ANKRD18A: variants seen among roughly 807,000 people sequenced by gnomAD.
The protein encoded by ANKRD18A is ankyrin repeat domain 18A, also known as ankyrin repeat domain-containing protein 18A.
In ANKRD18A, 72 loss-of-function variants were observed where a neutral mutation model predicts 110.6. The ratio of observed to expected loss-of-function variants is 0.65; its 90% CI spans 0.54 to 0.79. The LOEUF (loss-of-function observed/expected upper bound fraction) is 0.79, where lower values mean the gene tolerates loss of function less well. Ranked by LOEUF, ANKRD18A falls within the 30% of genes least tolerant of loss-of-function variation. The pLI is 0.00. For synonymous variants in ANKRD18A, 305 were observed against 410.3 expected, an observed-to-expected ratio of 0.74 and a Z score of 3.10; for missense variants, 934 against 1,163.3, an observed-to-expected ratio of 0.80 and a Z score of 2.87.
intron 10 of ANKRD18A, among the ~76,000 whole-genome samples, chr9:38,593,201 C>T (rs887901059): frequency 5.3e-5 from 8 of 152,116 alleles, no homozygotes; most frequent in African/African-American, 1.4e-4. Flanking sequence ...AGTATTTCTA[C>T]GCCATTACAG....
At chr9:38,569,345 C>T (rs1823556146), downstream of ANKRD18A, 2 of 984,966 alleles carry the variant, frequency 2.0e-6, no homozygotes, top group Admixed American at 6.1e-5. Context: ...AAACCACCCA[C>T]CCGATAGCGA....
chr9:38,599,297 G>T (rs1318386607), intron 8 of ANKRD18A, among the ~76,000 whole-genome samples: 2 of 152,106 alleles, frequency 1.3e-5, no homozygotes, highest in African/African-American at 4.8e-5. Flanking sequence ...AGACACTCCA[G>T]GTGCGTCTGC....
At chr9:38,584,433 G>A (rs992269915) in intron 12 of ANKRD18A, among the ~76,000 whole-genome samples, 9 of 152,128 alleles carry the variant, frequency 5.9e-5, no homozygotes, top group Admixed American at 4.6e-4. Flanking sequence ...AAATGATGTG[G>A]GGTTTGTTTT....
chr9:38,606,815 A>AAATTGC (rs1818798333), intron 6 of ANKRD18A, among the ~76,000 whole-genome samples: 1 of 152,176 alleles, frequency 6.6e-6, no homozygotes, highest in African/African-American at 2.4e-5. Context: ...ATTATGGAGG[A>AAATTGC]AATTGCAACA....
At chr9:38,576,163 A>G (rs780555138) in intron 14 of ANKRD18A, among the ~76,000 whole-genome samples, 15 of 152,016 alleles carry the variant, frequency 9.9e-5, no homozygotes, top group Non-Finnish European at 1.5e-4. Context: ...GTAGATTAAG[A>G]AAACTAAAAT....
intron 1 of ANKRD18A, 148 bp downstream of exon 1, chr9:38,619,932 C>T: frequency 1.9e-6 from 2 of 1,036,566 alleles, no homozygotes; most frequent in Non-Finnish European, 2.8e-6. Context: ...GGGGAATTGC[C>T]AGCGACGGAA....
At chr9:38,584,232 C>T (rs1824280080) in intron 12 of ANKRD18A, among the ~76,000 whole-genome samples, 1 of 152,184 alleles carries the variant, frequency 6.6e-6, no homozygotes. Flanking sequence ...TTTGGCTGAA[C>T]TAAGGAGCGA....
chr9:38,582,790 C>G (rs998259574), intron 12 of ANKRD18A, among the ~76,000 whole-genome samples: 1 of 152,342 alleles, frequency 6.6e-6, no homozygotes, highest in African/African-American at 2.4e-5. Context: ...GTTTTCTTAG[C>G]TATGACTCCA....
intron 5 of ANKRD18A, among the ~76,000 whole-genome samples, chr9:38,608,412 T>C (rs958971076): frequency 5.3e-5 from 8 of 151,862 alleles, no homozygotes; most frequent in Admixed American, 5.2e-4. Flanking sequence ...TTCCAAGTCA[T>C]GTACTAACAA....
At chr9:38,609,208 G>A (rs1825489482) in intron 5 of ANKRD18A, among the ~76,000 whole-genome samples, 1 of 152,012 alleles carries the variant, frequency 6.6e-6, no homozygotes, top group South Asian at 2.1e-4. Flanking sequence ...GGCCGGGCGC[G>A]GTGGCTCACG....
At chr9:38,589,431 T>C (rs1285132236) in intron 10 of ANKRD18A, among the ~76,000 whole-genome samples, 1 of 152,254 alleles carries the variant, frequency 6.6e-6, no homozygotes, top group Non-Finnish European at 1.5e-5. Flanking sequence ...TCATGTGTAA[T>C]CCTAAGTTAT....
intron 10 of ANKRD18A, among the ~76,000 whole-genome samples, chr9:38,591,988 G>C (rs1824669609): frequency 1.3e-5 from 2 of 152,210 alleles, no homozygotes; most frequent in Non-Finnish European, 2.9e-5. Context: ...CATCAGACAA[G>C]CTGCAGCCAG....
chr9:38,610,454 G>C, intron 4 of ANKRD18A, 44 bp from the exon 5 acceptor site: 1 of 1,512,102 alleles, frequency 6.6e-7, no homozygotes, highest in Non-Finnish European at 8.8e-7. Context: ...CTTTGATGAA[G>C]ATATTTAATT....
rs1412309946 is a variant in ANKRD18A, at chr9:38,601,158, G to A, written c.909C>T (p.Leu303=). Residue 303 remains leucine (L), a synonymous_variant, in exon 8 of 16, where the codon CTC becomes CTT. Transcript: ENST00000399703. ...GTGGCTGTTTATTTTCACTTCTTTG[G>A]AGCCTTTCTTGCTTTTCCTCTGAAG... ...KVASEEKQER[L]QRSENKQPQD... 1 of 1,559,350 alleles carries A rather than the reference G, an allele frequency of 6.4e-7. No individual in the cohort carries two copies. The highest frequency in any genetic ancestry group is 1.9e-5 in the Admixed American group (1 of 51,810).
intron 8 of ANKRD18A, among the ~76,000 whole-genome samples, chr9:38,599,487 G>A (rs1825031248): frequency 6.7e-6 from 1 of 149,208 alleles, no homozygotes; most frequent in Admixed American, 6.7e-5. Flanking sequence ...TTTTTGAGAT[G>A]GACTTTCACT....
At chr9:38,572,220 G>T in intron 15 of ANKRD18A, 161 bp from the exon 16 acceptor site, 1 of 501,932 alleles carries the variant, frequency 2.0e-6, no homozygotes, top group South Asian at 3.0e-5. Flanking sequence ...ATTTACACAT[G>T]GCGTTAATTC....
rs1339934976 is a variant in ANKRD18A at position 38,571,369 on chromosome 9, C to T, written c.*676G>A. 3 of 767,792 alleles carry T rather than the reference C, an allele frequency of 3.9e-6. No homozygotes were observed. Among genetic ancestry groups the T allele is most frequent in the Non-Finnish European group, 5.5e-6 (3 of 547,806 alleles). 47.6% of individuals were successfully genotyped at this position (767,792 alleles called of 1,614,324 possible). On this transcript the variant is annotated 3_prime_UTR_variant, in exon 16 of 16. Coordinates refer to ENST00000399703, the MANE Select transcript of ANKRD18A (RefSeq NM_147195.4). ...CCAGAATCATGAGCTTTCCCTTCTC[C>T]TTTATTTATTGGTTTTATTTCTCCA...
intron 6 of ANKRD18A, among the ~76,000 whole-genome samples, chr9:38,606,377 T>G (rs1159645088): frequency 6.6e-6 from 1 of 152,186 alleles, no homozygotes; most frequent in Non-Finnish European, 1.5e-5. Flanking sequence ...AACCAACCAT[T>G]TTCTTCCTCC....
intron 13 of ANKRD18A, among the ~76,000 whole-genome samples, chr9:38,577,604 C>T (rs1306281585): frequency 2.0e-5 from 3 of 152,134 alleles, no homozygotes; most frequent in Non-Finnish European, 4.4e-5. Flanking sequence ...ACAGTTTTCT[C>T]TTATGCCACC....
Sources: gnomAD v4.1 joint callset for allele counts (sites outside exome capture counted in the v4.1 genomes callset) on GRCh38, gnomAD v4.1.1 for gene constraint, MANE v1.5 for transcripts, NCBI Gene and HGNC (gene_info 2026-07-23, HGNC 2026-07-21) for gene names.